Variants in SETBP1 observed in about 807,000 individuals in gnomAD.
SETBP1 encodes the protein SET binding protein 1.
Under a neutral mutation model 101.0 loss-of-function variants are expected in SETBP1, and 9 were observed. The observed-to-expected ratio is 0.09, with a 90% CI of 0.05 to 0.16. The LOEUF (loss-of-function observed/expected upper bound fraction) is 0.16. SETBP1 is among the 10% of genes least tolerant of loss of function. The pLI is 1.00. For synonymous variants in SETBP1, 818 were observed against 788.5 expected, an observed-to-expected ratio of 1.04 and a Z score of -0.63; for missense variants, 1,858 against 2,033.8, an observed-to-expected ratio of 0.91 and a Z score of 1.66.
intron 3 of SETBP1, among the ~76,000 whole-genome samples, chr18:44,895,177 G>T (rs1439050763): frequency 8.9e-6 from 1 of 112,694 alleles, no homozygotes; most frequent in Non-Finnish European, 1.9e-5. Context: ...GGGAAGAGGA[G>T]GGGAGGGGAT....
At chr18:44,821,585 G>A (rs933768277) in intron 2 of SETBP1, among the ~76,000 whole-genome samples, 2 of 152,120 alleles carry the variant, frequency 1.3e-5, no homozygotes, top group African/African-American at 4.8e-5. Flanking sequence ...TTATTGTCTT[G>A]TTTATGTACC....
chr18:44,714,401 C>T (rs1266346526), intron 2 of SETBP1, among the ~76,000 whole-genome samples: 2 of 152,022 alleles, frequency 1.3e-5, no homozygotes. Context: ...GGGGTTTTGC[C>T]ACGTTGGCCA....
intron 5 of SETBP1, among the ~76,000 whole-genome samples, chr18:45,039,556 T>G (rs2145499422): frequency 6.6e-6 from 1 of 152,218 alleles, no homozygotes; most frequent in East Asian, 1.9e-4. Flanking sequence ...GTAACAAAAT[T>G]GCACATACCT....
chr18:44,770,542 T>C (rs1346996767), intron 2 of SETBP1, among the ~76,000 whole-genome samples: 4 of 152,376 alleles, frequency 2.6e-5, no homozygotes, highest in South Asian at 4.1e-4. Context: ...TGTTTTCATC[T>C]ATTGCACTTG....
intron 2 of SETBP1, among the ~76,000 whole-genome samples, chr18:44,725,648 A>G (rs1663442295): frequency 6.6e-6 from 1 of 152,162 alleles, no homozygotes; most frequent in African/African-American, 2.4e-5. Flanking sequence ...TTTTGCCAAT[A>G]GGAACCCACA....
chr18:44,984,697 G>A (rs796537721), intron 4 of SETBP1, among the ~76,000 whole-genome samples: 5 of 152,304 alleles, frequency 3.3e-5, no homozygotes, highest in African/African-American at 7.2e-5. Flanking sequence ...GCATTTTTCT[G>A]TCATGTTGCC....
chr18:44,867,017 G>T (rs1271701391), intron 2 of SETBP1, among the ~76,000 whole-genome samples: 2 of 152,136 alleles, frequency 1.3e-5, no homozygotes, highest in African/African-American at 4.8e-5. Flanking sequence ...TTATTATAGA[G>T]GAAAAAGCAT....
chr18:44,818,865 C>T (rs1812967489), intron 2 of SETBP1, among the ~76,000 whole-genome samples: 1 of 152,006 alleles, frequency 6.6e-6, no homozygotes, highest in South Asian at 2.1e-4. Flanking sequence ...CTACCATACA[C>T]TCATCATCTT....
intron 3 of SETBP1, among the ~76,000 whole-genome samples, chr18:44,902,915 C>T (rs2070087005): frequency 6.6e-6 from 1 of 151,546 alleles, no homozygotes; most frequent in Non-Finnish European, 1.5e-5. Context: ...TGTTGTATTG[C>T]CAAATATGGC....
chr18:45,048,360 G>C (rs183333289), intron 5 of SETBP1, among the ~76,000 whole-genome samples: 1 of 152,318 alleles, frequency 6.6e-6, no homozygotes, highest in African/African-American at 2.4e-5. Flanking sequence ...TAACATGTAA[G>C]TATTTTATGA....
At position 44,977,301 on chromosome 18, in the gene SETBP1, AG is replaced by A. The variant is rs375079048; in HGVS notation, c.4000+23966del. Among the ~76,000 whole-genome samples, 187 of 152,364 alleles carry A rather than the reference AG, an allele frequency of 1.2e-3. 2 individuals are homozygous for A. The South Asian group carries it at 0.017, about 14-fold the overall frequency. On this transcript the variant is annotated intron_variant, in intron 4 of 5. Coordinates refer to ENST00000649279, the MANE Select transcript of SETBP1 (RefSeq NM_015559.3). ...TGGACAACTGATATATTCTAGGGAA[AG>A]GGGGAAAAAAGGAGCAAAGAAGGGA...
chr18:44,826,277 A>G (rs995187512), intron 2 of SETBP1, among the ~76,000 whole-genome samples: 1 of 152,046 alleles, frequency 6.6e-6, no homozygotes, highest in Non-Finnish European at 1.5e-5. Context: ...TTGCCCTTTC[A>G]CCCCTTTTTC....
intron 2 of SETBP1, among the ~76,000 whole-genome samples, chr18:44,767,318 C>A (rs546159797): frequency 6.6e-6 from 1 of 152,230 alleles, no homozygotes; most frequent in South Asian, 2.1e-4. Context: ...ATAATGGCAT[C>A]CATTACTACA....
At chr18:44,935,521 C>G (rs1440584815) in intron 3 of SETBP1, among the ~76,000 whole-genome samples, 2 of 152,184 alleles carry the variant, frequency 1.3e-5, no homozygotes, top group East Asian at 3.9e-4. Flanking sequence ...TGCACCCACT[C>G]CACCCTGAGA....
intron 1 of SETBP1, among the ~76,000 whole-genome samples, chr18:44,684,493 G>A (rs1053280538): frequency 1.3e-5 from 2 of 151,642 alleles, no homozygotes; most frequent in Non-Finnish European, 2.9e-5. Context: ...TTGGAGGACT[G>A]TAATTGTAGA....
At chr18:44,906,766 T>TTA (rs1224481085) in intron 3 of SETBP1, among the ~76,000 whole-genome samples, 2 of 152,178 alleles carry the variant, frequency 1.3e-5, no homozygotes, top group Non-Finnish European at 2.9e-5. Context: ...CTAGACTAGT[T>TTA]TAAGTAATCT....
intron 3 of SETBP1, among the ~76,000 whole-genome samples, chr18:44,893,422 A>G (rs1476802656): frequency 6.6e-6 from 1 of 152,154 alleles, no homozygotes; most frequent in Non-Finnish European, 1.5e-5. Context: ...TTAAATTCAC[A>G]CAATTTGTAA....
At chr18:44,986,434 A>G (rs983779352) in intron 4 of SETBP1, 3 of 152,194 alleles carry the variant, frequency 2.0e-5, no homozygotes, top group African/African-American at 7.2e-5. Flanking sequence ...AATGCTCTAC[A>G]CTAAATGTAT....
chr18:44,828,278 G>C (rs1460527030), intron 2 of SETBP1, among the ~76,000 whole-genome samples: 1 of 152,162 alleles, frequency 6.6e-6, no homozygotes, highest in Admixed American at 6.5e-5. Context: ...GAAATGCGGT[G>C]AAACAGGTTA....
Sources: allele counts gnomAD v4.1 joint callset (sites outside exome capture counted in the v4.1 genomes callset), GRCh38; gene constraint gnomAD v4.1.1; transcripts MANE v1.5; gene names NCBI Gene and HGNC (gene_info 2026-07-23, HGNC 2026-07-21).